The following GPC5 variants were observed in gnomAD, a reference collection of about 807,000 sequenced individuals.
GPC5 encodes glypican 5, also known as glypican-5.
In GPC5, 47 loss-of-function variants were observed where a neutral mutation model predicts 53.9. The ratio of observed to expected loss-of-function variants is 0.87; its 90% CI spans 0.69 to 1.11. GPC5 has a LOEUF of 1.11. Among genes scored for constraint, GPC5 ranks in the 50% most tolerant of loss-of-function variants. The probability of loss-of-function intolerance (pLI) is 0.00; values close to 1 mark genes in which losing one functional copy is unlikely to be tolerated. For missense variants in GPC5, 748 were observed against 713.1 expected (o/e 1.05, Z -0.56); for synonymous variants, 286 against 263.3 (o/e 1.09, Z -0.84).
intron 7 of GPC5, among the ~76,000 whole-genome samples, chr13:92,230,305 G>C (rs935346571): frequency 2.6e-5 from 4 of 152,114 alleles, no homozygotes; most frequent in African/African-American, 9.7e-5. Context: ...TGTTGTGCTA[G>C]AACTACGATG....
chr13:92,446,254 C>A (rs541873767), intron 7 of GPC5, among the ~76,000 whole-genome samples: 2 of 151,492 alleles, frequency 1.3e-5, no homozygotes, highest in Non-Finnish European at 2.9e-5. Context: ...CCCCTGGTAC[C>A]CTTCCCAGCC....
intron 7 of GPC5, among the ~76,000 whole-genome samples, chr13:92,334,828 C>T (rs946611181): frequency 1.3e-5 from 2 of 152,180 alleles, no homozygotes; most frequent in Non-Finnish European, 2.9e-5. Flanking sequence ...GACTCCGTGT[C>T]TCACATCCAG....
intron 2 of GPC5, among the ~76,000 whole-genome samples, chr13:91,462,740 A>G (rs949706898): frequency 6.6e-6 from 1 of 152,010 alleles, no homozygotes; most frequent in Non-Finnish European, 1.5e-5. Context: ...TGGTTCAAGA[A>G]GGAATGATAA....
chr13:91,429,203 A>C (rs1188624209), intron 1 of GPC5, among the ~76,000 whole-genome samples: 1 of 152,216 alleles, frequency 6.6e-6, no homozygotes, highest in Non-Finnish European at 1.5e-5. Context: ...TACAGGTGTG[A>C]ACAACTGTGC....
At chr13:91,585,400 C>A (rs1469749829) in intron 2 of GPC5, among the ~76,000 whole-genome samples, 4 of 152,132 alleles carry the variant, frequency 2.6e-5, no homozygotes, top group Non-Finnish European at 5.9e-5. Flanking sequence ...CCATGCCTAT[C>A]CATACTAAAA....
At chr13:92,313,078 AGAGT>A (rs994894483) in intron 7 of GPC5, among the ~76,000 whole-genome samples, 2 of 152,158 alleles carry the variant, frequency 1.3e-5, no homozygotes, top group African/African-American at 4.8e-5. Context: ...GTTCATATAA[AGAGT>A]GAGTTTTCTA....
intron 6 of GPC5, among the ~76,000 whole-genome samples, chr13:92,045,004 T>C (rs2040970451): frequency 6.6e-6 from 1 of 152,198 alleles, no homozygotes; most frequent in Non-Finnish European, 1.5e-5. Flanking sequence ...TTTGGAAATA[T>C]ATAGCAAGTC....
intron 2 of GPC5, among the ~76,000 whole-genome samples, chr13:91,469,365 T>C (rs1882461460): frequency 6.6e-6 from 1 of 152,162 alleles, no homozygotes; most frequent in African/African-American, 2.4e-5. Context: ...TGCTTTGGCC[T>C]TCCAAAGTGT....
intron 7 of GPC5, among the ~76,000 whole-genome samples, chr13:92,521,220 C>T (rs1231003727): frequency 3.3e-5 from 5 of 152,196 alleles, no homozygotes; most frequent in Middle Eastern, 3.4e-3. Flanking sequence ...TTTACAGAGT[C>T]GATGCCATCC....
chr13:92,570,138 C>T (rs1471302309), intron 7 of GPC5, among the ~76,000 whole-genome samples: 1 of 151,980 alleles, frequency 6.6e-6, no homozygotes, highest in African/African-American at 2.4e-5. Context: ...TAATATTTGA[C>T]AATCATAAAA....
chr13:91,475,110 CT>C (rs1172045999), intron 2 of GPC5, among the ~76,000 whole-genome samples: 2 of 152,140 alleles, frequency 1.3e-5, no homozygotes, highest in African/African-American at 4.8e-5. Flanking sequence ...AAATGTATAT[CT>C]TTTTTTCCCT....
intron 7 of GPC5, among the ~76,000 whole-genome samples, chr13:92,525,355 A>G (rs1881230844): frequency 1.3e-5 from 2 of 151,876 alleles, no homozygotes; most frequent in African/African-American, 4.8e-5. Context: ...AAGTGAGCAT[A>G]TGAACTGCCT....
intron 7 of GPC5, among the ~76,000 whole-genome samples, chr13:92,312,329 T>TG (rs762694972): frequency 4.4e-4 from 67 of 151,848 alleles, no homozygotes; most frequent in Non-Finnish European, 2.9e-5. Flanking sequence ...TACTGTTGAG[T>TG]GGGGGGAAAA....
chr13:92,170,203 G>A (rs186794047), intron 7 of GPC5, among the ~76,000 whole-genome samples: 29 of 151,550 alleles, frequency 1.9e-4, no homozygotes, highest in Non-Finnish European at 4.3e-4. Context: ...GGTTACTCTA[G>A]TTTCTATGTT....
intron 7 of GPC5, among the ~76,000 whole-genome samples, chr13:92,463,640 A>G (rs1403120698): frequency 6.6e-6 from 1 of 152,142 alleles, no homozygotes; most frequent in Non-Finnish European, 1.5e-5. Context: ...CTCTTCAATT[A>G]TAAGATACTG....
intron 2 of GPC5, among the ~76,000 whole-genome samples, chr13:91,679,490 G>A (rs1271778400): frequency 2.0e-5 from 3 of 152,140 alleles, no homozygotes; most frequent in African/African-American, 7.2e-5. Context: ...TTCTCAAAGT[G>A]GTCTGGGGTT....
chr13:91,869,058 T>C (rs2039115545), intron 5 of GPC5, among the ~76,000 whole-genome samples: 2 of 152,074 alleles, frequency 1.3e-5, no homozygotes, highest in African/African-American at 4.8e-5. Context: ...TTTTGTTTTG[T>C]TTTTAGATGG....
intron 5 of GPC5, among the ~76,000 whole-genome samples, chr13:91,816,951 T>A (rs556035852): frequency 6.6e-6 from 1 of 152,208 alleles, no homozygotes; most frequent in Non-Finnish European, 1.5e-5. Flanking sequence ...GGAAAAAAGA[T>A]GTCAAGTGTC....
intron 7 of GPC5, among the ~76,000 whole-genome samples, chr13:92,320,536 T>A (rs1400935017): frequency 6.6e-6 from 1 of 152,196 alleles, no homozygotes; most frequent in Non-Finnish European, 1.5e-5. Context: ...ATAAATATAG[T>A]CATTCCTTTA....
Sources: allele counts gnomAD v4.1 joint callset (sites outside exome capture counted in the v4.1 genomes callset), GRCh38; gene constraint gnomAD v4.1.1; transcripts MANE v1.5; gene names NCBI Gene and HGNC (gene_info 2026-07-23, HGNC 2026-07-21).